The following GFPT1 variants were observed in gnomAD, a reference collection of about 807,000 sequenced individuals.
The protein encoded by GFPT1 is glutamine--fructose-6-phosphate aminotransferase [isomerizing] 1.
A neutral mutation model predicts 92.0 loss-of-function variants in GFPT1; 40 were observed. That is an observed-to-expected ratio of 0.43 (90% confidence interval 0.34 to 0.57). GFPT1 has a LOEUF of 0.57. Among genes scored for constraint, GFPT1 ranks in the 20% least tolerant of loss-of-function variants. The probability of loss-of-function intolerance (pLI) is 0.02; values close to 1 mark genes in which losing one functional copy is unlikely to be tolerated. For synonymous variants in GFPT1, 269 were observed against 280.6 expected (o/e 0.96, Z 0.41); for missense variants, 448 against 869.1 (o/e 0.52, Z 6.09).
intron 2 of GFPT1, among the ~76,000 whole-genome samples, chr2:69,373,701 G>T (rs765677111): frequency 6.6e-6 from 1 of 152,094 alleles, no homozygotes; most frequent in Admixed American, 6.6e-5. Flanking sequence ...AAAAATTAAA[G>T]TTATAGGAAA....
In GFPT1 at chr2:69,325,198, C is replaced by A. The variant is rs1181998084; in HGVS notation, c.*991G>T. 1 of 152,040 alleles carries A rather than the reference C, an allele frequency of 6.6e-6. No individual in the cohort carries two copies. Among genetic ancestry groups the A allele is most frequent in the Non-Finnish European group, 1.5e-5 (1 of 67,986 alleles). 9.4% of individuals were successfully genotyped at this position (152,040 alleles called of 1,614,324 possible). On this transcript the variant is annotated 3_prime_UTR_variant, in exon 20 of 20. Transcript: ENST00000357308. ...CTGGCACTAAGGGACTAGTTTTATGCAACAATGTAATGAAGGAAAGTTAAA... is the reference window on the plus strand; with the variant it reads ...CTGGCACTAAGGGACTAGTTTTATGAAACAATGTAATGAAGGAAAGTTAAA...
intron 2 of GFPT1, among the ~76,000 whole-genome samples, chr2:69,373,262 T>C (rs1464409611): frequency 6.6e-6 from 1 of 152,144 alleles, no homozygotes; most frequent in Admixed American, 6.6e-5. Flanking sequence ...CTGACATAGT[T>C]GAGGGAAGGA....
intron 1 of GFPT1, among the ~76,000 whole-genome samples, chr2:69,380,530 T>G (rs150222569): frequency 6.6e-6 from 1 of 152,246 alleles, no homozygotes; most frequent in Non-Finnish European, 1.5e-5. Context: ...ATTCTGGAGC[T>G]CAAATCACTA....
In GFPT1 at chr2:69,354,505, A is replaced by G. The variant is rs903308197; in HGVS notation, c.669T>C (p.Pro223=). Residue 223 remains proline (P), a synonymous_variant, in exon 8 of 20, where the codon CCT becomes CCC. Transcript: ENST00000357308. ...SEHKLSTDHI[P]ILYRTARTQI... is the part of the protein sequence containing the mutation. ...TAATTTTACCTGTTCTGTAGAGTAT[A>G]GGAATGTGATCAGTAGAAAGTTTAT... 16 of 1,596,696 alleles carry G rather than the reference A, an allele frequency of 1.0e-5. No individual in the cohort carries two copies. The highest frequency in any genetic ancestry group is 1.4e-5 in the Non-Finnish European group (16 of 1,164,194).
intron 17 of GFPT1, 34 bp downstream of exon 17, chr2:69,329,263 T>C (rs760798241): frequency 3.7e-6 from 6 of 1,604,976 alleles, no homozygotes; most frequent in Non-Finnish European, 5.1e-6. Context: ...TGCAGGTCAA[T>C]GGACTGATAC....
chr2:69,372,295 T>C (rs972137569), intron 2 of GFPT1, among the ~76,000 whole-genome samples: 2 of 146,430 alleles, frequency 1.4e-5, no homozygotes, highest in Admixed American at 1.4e-4. Context: ...ATTGGCTGGG[T>C]GCAGTGGCTC....
intron 16 of GFPT1, 21 bp downstream of exon 16, chr2:69,329,663 A>G: frequency 6.8e-7 from 1 of 1,479,980 alleles, no homozygotes; most frequent in South Asian, 1.1e-5. Flanking sequence ...ACAAAAGTGT[A>G]ATATATGAGT....
chr2:69,348,386 C>G (rs372670932), intron 10 of GFPT1, 52 bp from the exon 11 acceptor site: 1 of 1,337,474 alleles, frequency 7.5e-7, no homozygotes, highest in African/African-American at 1.4e-5. Context: ...ATCATTATTA[C>G]AAATGAAACT....
At chr2:69,376,563 T>C (rs896744817) in intron 1 of GFPT1, among the ~76,000 whole-genome samples, 1 of 151,508 alleles carries the variant, frequency 6.6e-6, no homozygotes, top group Admixed American at 6.6e-5. Flanking sequence ...TCTGAACTAG[T>C]TCCCACCACT....
At chr2:69,354,347 C>T in intron 8 of GFPT1, 35 bp from the exon 9 acceptor site, 5 of 1,531,550 alleles carry the variant, frequency 3.3e-6, no homozygotes, top group Non-Finnish European at 3.6e-6. Context: ...TTCTAATCAT[C>T]AGAGAACTCA....
chr2:69,386,117 G>A (rs1437494841), intron 1 of GFPT1, among the ~76,000 whole-genome samples: 2 of 151,702 alleles, frequency 1.3e-5, no homozygotes, highest in African/African-American at 4.8e-5. Context: ...TATTTTTACT[G>A]GCAATAGCCA....
Position 69,367,564 on chromosome 2 carries a change from T to C in GFPT1, c.223+2437A>G, listed in dbSNP as rs184761403. Among the ~76,000 whole-genome samples, 723 of 152,274 alleles carry C rather than the reference T, an allele frequency of 4.7e-3. 11 individuals carry two copies. Among genetic ancestry groups the C allele is most frequent in the Admixed American group, 0.012 (179 of 15,284 alleles). On this transcript the variant is annotated intron_variant, in intron 3 of 19. Coordinates refer to ENST00000357308, the MANE Select transcript of GFPT1 (RefSeq NM_001244710.2). ...TTAGTAGAGATGGGGTTTCACCATGTTGCCCAGGCTGGTCTCAAACACCAG... is the reference window on the plus strand; with the variant it reads ...TTAGTAGAGATGGGGTTTCACCATGCTGCCCAGGCTGGTCTCAAACACCAG...
At chr2:69,378,252 C>T (rs1671927223) in intron 1 of GFPT1, among the ~76,000 whole-genome samples, 1 of 152,142 alleles carries the variant, frequency 6.6e-6, no homozygotes, top group Non-Finnish European at 1.5e-5. Context: ...GTGATCCACT[C>T]GCCTCAGCCT....
At chr2:69,370,979 G>A (rs1275163152) in intron 2 of GFPT1, among the ~76,000 whole-genome samples, 1 of 151,788 alleles carries the variant, frequency 6.6e-6, no homozygotes, top group Admixed American at 6.6e-5. Flanking sequence ...CAGCCTGGGC[G>A]ACAGAGTGAG....
At chr2:69,369,832 C>T (rs1170437105) in intron 3 of GFPT1, among the ~76,000 whole-genome samples, 169 bp downstream of exon 3, 3 of 152,150 alleles carry the variant, frequency 2.0e-5, no homozygotes, top group African/African-American at 7.2e-5. Flanking sequence ...CATTTTAAAA[C>T]TAGTCCAGAC....
chr2:69,367,830 G>GAT (rs1671648153), intron 3 of GFPT1, among the ~76,000 whole-genome samples: 1 of 152,198 alleles, frequency 6.6e-6, no homozygotes, highest in African/African-American at 2.4e-5. Flanking sequence ...TTCCCATGTA[G>GAT]ATATGGCCAG....
chr2:69,385,521 A>G (rs1335572549), intron 1 of GFPT1, among the ~76,000 whole-genome samples: 2 of 143,262 alleles, frequency 1.4e-5, no homozygotes, highest in Non-Finnish European at 3.0e-5. Context: ...CACCACGCCC[A>G]GCGCTGATTT....
intron 7 of GFPT1, among the ~76,000 whole-genome samples, chr2:69,355,519 T>G (rs567338416): frequency 6.6e-6 from 1 of 152,340 alleles, no homozygotes; most frequent in African/African-American, 2.4e-5. Flanking sequence ...AACTGCAAAG[T>G]TGAGTAGTTG....
intron 2 of GFPT1, chr2:69,371,557 G>A (rs1316453992): frequency 6.6e-6 from 1 of 152,034 alleles, no homozygotes; most frequent in African/African-American, 2.4e-5. Context: ...AAAAATACTG[G>A]CCGGGCGCGG....
Sources: gnomAD v4.1 joint callset for allele counts (sites outside exome capture counted in the v4.1 genomes callset) on GRCh38, gnomAD v4.1.1 for gene constraint, MANE v1.5 for transcripts, NCBI Gene and HGNC (gene_info 2026-07-23, HGNC 2026-07-21) for gene names.